The following LTV1 variants were observed in gnomAD, a reference collection of about 807,000 sequenced individuals.
LTV1 encodes LTV1 ribosome biogenesis factor.
Under a neutral mutation model 59.9 loss-of-function variants are expected in LTV1, and 39 were observed. That is an observed-to-expected ratio of 0.65 (90% CI 0.50 to 0.85). The LOEUF (loss-of-function observed/expected upper bound fraction) is 0.85. Ranked by LOEUF, LTV1 falls within the 40% of genes least tolerant of loss-of-function variation. The pLI, the probability that LTV1 is intolerant of heterozygous loss-of-function variation, is 0.00. For synonymous variants in LTV1, 171 were observed against 189.5 expected (o/e 0.90, Z 0.80); for missense variants, 493 against 549.1 (o/e 0.90, Z 1.02).
chr6:143,856,077 A>T (rs758765447), intron 4 of LTV1, among the ~76,000 whole-genome samples: 1 of 152,174 alleles, frequency 6.6e-6, no homozygotes, highest in Non-Finnish European at 1.5e-5. Context: ...CCAATCAAAC[A>T]TAGAGATTTG....
chr6:143,853,280 G>A (rs1260152473), intron 4 of LTV1, among the ~76,000 whole-genome samples: 4 of 152,088 alleles, frequency 2.6e-5, no homozygotes, highest in African/African-American at 9.7e-5. Context: ...TCTATTATTG[G>A]TATATAGGAA....
chr6:143,862,324 G>C lies in LTV1; in HGVS notation c.1063+81G>C, dbSNP rs1325050260. On this transcript the variant is annotated intron_variant, in intron 8 of 10. Coordinates refer to ENST00000367576, the MANE Select transcript of LTV1 (RefSeq NM_032860.5). The surrounding 1 kb of genome is among the most constrained non-coding windows in gnomAD (Gnocchi z 4.2). ...AGGCTGGGTGCGGTGCCTCACGCCT[G>C]TAGTAATCCCAGCACTTTGGGAGGC... 1 of 1,292,740 alleles carries C rather than the reference G, an allele frequency of 7.7e-7. No individual in the cohort carries two copies. The highest frequency in any genetic ancestry group is 1.1e-6 in the Non-Finnish European group (1 of 932,518). The allele number at this position is 1,292,740 out of a possible 1,614,324, so 80.1% of individuals were successfully genotyped here.
chr6:143,852,295 G>A (rs1345986224), intron 4 of LTV1, among the ~76,000 whole-genome samples: 1 of 152,138 alleles, frequency 6.6e-6, no homozygotes, highest in Admixed American at 6.5e-5. Flanking sequence ...TTCTCATTGT[G>A]GTTTTAATTT....
Position 143,844,635 on chromosome 6 carries a change from G to A in LTV1, c.135+18G>A, listed in dbSNP as rs200269177. 66 of 1,600,360 alleles carry A rather than the reference G, an allele frequency of 4.1e-5. 1 individual carries two copies. In the South Asian group the frequency reaches 6.2e-4, roughly 15 times the overall value. On this transcript the variant is annotated intron_variant, in intron 2 of 10. Transcript: ENST00000367576. ...CACAAAAAGTAGGTCCTGTTCTTTA[G>A]CCAGTCAGTTTGTAGGTAGACAATA...
Position 143,857,399 on chromosome 6 carries a change from T to C in LTV1, c.494T>C (p.Leu165Pro). ...AATCTGCTTGAGGATGACTTTATTC[T>C]TCAGGCCAATAAGGCAACAGGAGAG... ...PDNLLEDDFI[L>P]QANKATGEEE... Residue 165 changes from leucine (L) to proline (P), a missense_variant, in exon 5 of 11, where the codon CTT (leucine) becomes CCT (proline). By Grantham distance (98) the Leu-to-Pro change is moderately conservative. Transcript: ENST00000367576. The surrounding 1 kb of genome is among the most constrained non-coding windows in gnomAD (Gnocchi z 5.2). The C allele has an allele frequency of 6.2e-7, 1 of 1,614,120 alleles. No individual in the cohort carries two copies. The highest frequency in any genetic ancestry group is 8.5e-7 in the Non-Finnish European group (1 of 1,179,980).
chr6:143,863,187 T>G lies in LTV1; in HGVS notation c.1218T>G (p.Asn406Lys), dbSNP rs1260494543. The change falls in exon 10 of 11, where the codon AAT (asparagine) becomes AAG (lysine). Residue 406 changes from asparagine (N) to lysine (K), a missense_variant. Coordinates refer to ENST00000367576, the MANE Select transcript of LTV1 (RefSeq NM_032860.5). The surrounding 1 kb of genome is among the most constrained non-coding windows in gnomAD (Gnocchi z 4.5). ...AKQTERIQMI[N>K]GSDLPKVSTQ... The stretch of plus-strand genomic sequence containing the variant: ...AAACTGAAAGAATACAGATGATTAA[T>G]GGCAGTGATCTTCCTAAAGTATCAA... The G allele has an allele frequency of 1.2e-5, 19 of 1,613,906 alleles. No homozygotes were observed. Among genetic ancestry groups the G allele is most frequent in the Non-Finnish European group, 1.6e-5 (19 of 1,179,950 alleles).
chr6:143,855,070 T>G lies in LTV1; in HGVS notation c.398-2233T>G, dbSNP rs1291190374. Reference sequence around the variant, plus strand: ...GTGTTAAAGTCTCCCATTATTATTGTGTGGGAGTCTAAGTCTCTTTGTAGG... The same window carrying G: ...GTGTTAAAGTCTCCCATTATTATTGGGTGGGAGTCTAAGTCTCTTTGTAGG... On this transcript the variant is annotated intron_variant, in intron 4 of 10. Transcript: ENST00000367576. This position sits in a 1 kb window ranked among gnomAD's most constrained non-coding sequence, Gnocchi z 4.6. Among the ~76,000 whole-genome samples the G allele has an allele frequency of 6.6e-6, 1 of 152,188 alleles. No homozygotes were observed. The highest frequency in any genetic ancestry group is 1.5e-5 in the Non-Finnish European group (1 of 68,028).
Position 143,860,503 on chromosome 6 carries a change from C to G in LTV1, c.873C>G (p.Ser291Arg), listed in dbSNP as rs140917307. 4 of 1,613,262 alleles carry G rather than the reference C, an allele frequency of 2.5e-6. No individual in the cohort carries two copies. The African/African-American group carries it at 5.3e-5, about 22-fold the overall frequency. The change falls in exon 7 of 11, where the codon AGC becomes AGG. Residue 291 changes from serine to arginine, a missense_variant. Transcript: ENST00000367576. The stretch of plus-strand genomic sequence containing the variant: ...TGGAAGGTTCTATTCAAGTGGACAG[C>G]AATCGCTTACAGGAAGTTTTGAATG... The part of the protein sequence containing the change: ...AELEGSIQVD[S>R]NRLQEVLNDY...
Position 143,843,389 on chromosome 6 carries a change from G to A in LTV1, c.-89G>A. 1.3e-6 allele frequency: 2 copies of A among 1,525,738 alleles called. No individual in the cohort carries two copies. Among genetic ancestry groups the A allele is most frequent in the Non-Finnish European group, 1.8e-6 (2 of 1,105,260 alleles). 94.5% of individuals were successfully genotyped at this position (1,525,738 alleles called of 1,614,324 possible). On this transcript the variant is annotated 5_prime_UTR_variant, in exon 1 of 11. Coordinates refer to ENST00000367576, the MANE Select transcript of LTV1 (RefSeq NM_032860.5). The stretch of plus-strand genomic sequence containing the variant: ...TGCACGTGTGGTGAGGCCTACAGAA[G>A]CGGCCTTCAGCTGGACCTTGGTCTC...
Position 143,862,350 on chromosome 6 carries a change from C to T in LTV1, c.1063+107C>T, listed in dbSNP as rs1424115154. ...TAGTAATCCCAGCACTTTGGGAGGC[C>T]GAGGCGGGTGGGTCACCTGATGTCA... On this transcript the variant is annotated intron_variant, in intron 8 of 10. Coordinates refer to ENST00000367576, the MANE Select transcript of LTV1 (RefSeq NM_032860.5). The surrounding 1 kb of genome is among the most constrained non-coding windows in gnomAD (Gnocchi z 4.2). 1.0e-5 allele frequency: 10 copies of T among 970,302 alleles called. No individual in the cohort carries two copies. Among genetic ancestry groups the T allele is most frequent in the East Asian group, 2.8e-5 (1 of 35,248 alleles). 60.1% of individuals were successfully genotyped at this position (970,302 alleles called of 1,614,324 possible).
rs1460311453 is a variant in LTV1 at position 143,850,194 on chromosome 6, TTAAA to T, written c.378_381del (p.Asn126LysfsTer100). 3 of 1,613,546 alleles carry T rather than the reference TTAAA, an allele frequency of 1.9e-6. No homozygotes were observed. Among genetic ancestry groups the T allele is most frequent in the South Asian group, 1.1e-5 (1 of 90,996 alleles). ...AGAGTTTGAGGAAGATGTTGGATTG[TTAAA>T]TAAAGCAGCTCCAGTTTCAGGTATT... On this transcript the variant is annotated frameshift_variant, in exon 4 of 11. Coordinates refer to ENST00000367576, the MANE Select transcript of LTV1 (RefSeq NM_032860.5). LOFTEE classifies it high-confidence loss of function.
chr6:143,857,428 G>A lies in LTV1; in HGVS notation c.523G>A (p.Glu175Lys), dbSNP rs747127841. Residue 175 changes from glutamate to lysine, a missense_variant, in exon 5 of 11, where the codon GAG becomes AAG. Coordinates refer to ENST00000367576, the MANE Select transcript of LTV1 (RefSeq NM_032860.5). The surrounding 1 kb of genome is among the most constrained non-coding windows in gnomAD (Gnocchi z 5.2). ...GGCCAATAAGGCAACAGGAGAGGAA[G>A]AGGGAATGGATATACAGTATGTGTG... is the stretch of plus-strand genomic sequence containing the variant. ...LQANKATGEEEGMDIQKSENE... is the reference protein window; with the variant it reads ...LQANKATGEEKGMDIQKSENE... The A allele has an allele frequency of 1.1e-5, 18 of 1,613,822 alleles. No homozygotes were observed. The highest frequency in any genetic ancestry group is 1.6e-4 in the Middle Eastern group (1 of 6,084).
Position 143,844,505 on chromosome 6 carries a change from C to A in LTV1, c.23C>A (p.Pro8His), listed in dbSNP as rs780090993. 3.1e-6 allele frequency: 5 copies of A among 1,613,492 alleles called. No individual in the cohort carries two copies. The highest frequency in any genetic ancestry group is 2.7e-5 in the African/African-American group (2 of 74,764). MPHRKKK[P>H]FIEKKKAVSF... is the part of the protein sequence containing the mutation. ...TTGAAGCCTCACAGGAAGAAAAAGC[C>A]CTTTATAGAGAAGAAGAAAGCTGTG... The change falls in exon 2 of 11, where the codon CCC becomes CAC. Residue 8 changes from proline (P) to histidine (H), a missense_variant. Physicochemically the swap from Pro to His is moderately conservative, Grantham distance 77. Coordinates refer to ENST00000367576, the MANE Select transcript of LTV1 (RefSeq NM_032860.5).
intron 4 of LTV1, among the ~76,000 whole-genome samples, chr6:143,853,471 G>T (rs1777019635): frequency 6.6e-6 from 1 of 152,072 alleles, no homozygotes; most frequent in Admixed American, 6.6e-5. Flanking sequence ...TCTTTCTCTT[G>T]CCTGATTGCC....
intron 1 of LTV1, among the ~76,000 whole-genome samples, chr6:143,843,723 T>G (rs922819827): frequency 2.6e-5 from 4 of 152,140 alleles, no homozygotes; most frequent in Non-Finnish European, 4.4e-5. Flanking sequence ...GTTTTATCCC[T>G]GGGAGCCTGC....
At chr6:143,846,473 C>T (rs1351873357) in intron 3 of LTV1, among the ~76,000 whole-genome samples, 1 of 151,716 alleles carries the variant, frequency 6.6e-6, no homozygotes, top group Non-Finnish European at 1.5e-5. Flanking sequence ...ATAGACATGG[C>T]CATGTTAGAC....
Position 143,857,881 on chromosome 6 carries a change from C to A in LTV1, c.669C>A (p.His223Gln), listed in dbSNP as rs1777105235. The change falls in exon 6 of 11, where the codon CAC becomes CAA. Residue 223 changes from histidine to glutamine, a missense_variant. Physicochemically the swap from His to Gln is conservative, Grantham distance 24 (BLOSUM62 0). Coordinates refer to ENST00000367576, the MANE Select transcript of LTV1 (RefSeq NM_032860.5). This position sits in a 1 kb window ranked among gnomAD's most constrained non-coding sequence, Gnocchi z 5.2. ...EDCMSVPGKT[H>Q]RAIADHLFWS... ...GTATGTCTGTGCCCGGAAAAACTCA[C>A]AGAGCTATAGCAGATCACTTGTTCT... The A allele has an allele frequency of 1.2e-6, 2 of 1,613,984 alleles. No homozygotes were observed. The highest frequency in any genetic ancestry group is 1.7e-5 in the Admixed American group (1 of 59,980).
At chr6:143,859,003 C>T (rs966763643) in intron 6 of LTV1, among the ~76,000 whole-genome samples, 2 of 151,778 alleles carry the variant, frequency 1.3e-5, no homozygotes, top group African/African-American at 4.8e-5. Flanking sequence ...GTTGGCTGAT[C>T]AAACGTTCTT....
At chr6:143,852,926 A>G (rs562801007) in intron 4 of LTV1, among the ~76,000 whole-genome samples, 3 of 152,220 alleles carry the variant, frequency 2.0e-5, no homozygotes, top group South Asian at 2.1e-4. Context: ...CCATTGGTCT[A>G]TATATCTGTT....
Sources: gnomAD v4.1 joint callset for allele counts (sites outside exome capture counted in the v4.1 genomes callset) on GRCh38, gnomAD v4.1.1 for gene constraint, Gnocchi (gnomAD v3.1) non-coding constraint, MANE v1.5 for transcripts, NCBI Gene and HGNC (gene_info 2026-07-23, HGNC 2026-07-21) for gene names.